COL24A1: variants seen among roughly 807,000 people sequenced by gnomAD.
COL24A1 encodes collagen type XXIV alpha 1 chain, also known as collagen alpha-1(XXIV) chain.
Under a neutral mutation model 253.9 loss-of-function variants are expected in COL24A1, and 224 were observed. The ratio of observed to expected loss-of-function variants is 0.88; its 90% CI spans 0.79 to 0.99. COL24A1 has a LOEUF of 0.99. Ranked by LOEUF, COL24A1 falls within the 50% of genes least tolerant of loss-of-function variation. The pLI is 0.00. For missense variants in COL24A1, 2,131 were observed against 2,068.5 expected (o/e 1.03, Z -0.59); for synonymous variants, 685 against 673.7 (o/e 1.02, Z -0.26).
intron 31 of COL24A1, among the ~76,000 whole-genome samples, chr1:85,889,856 T>A (rs1682925241): frequency 6.6e-6 from 1 of 152,110 alleles, no homozygotes; most frequent in Admixed American, 6.5e-5. Flanking sequence ...TACCAGAACT[T>A]TTTCATCTTC....
At chr1:85,835,276 C>T (rs899323828) in intron 43 of COL24A1, among the ~76,000 whole-genome samples, 11 of 152,068 alleles carry the variant, frequency 7.2e-5, no homozygotes, top group Non-Finnish European at 1.5e-5. Context: ...GGACTACAGG[C>T]ATGCACCACC....
chr1:85,809,752 T>G (rs1195659172), intron 47 of COL24A1, among the ~76,000 whole-genome samples: 2 of 148,734 alleles, frequency 1.3e-5, no homozygotes, highest in African/African-American at 4.9e-5. Context: ...TATGGAGATA[T>G]ATATATATAC....
At chr1:85,874,742 AG>A in intron 34 of COL24A1, 40 bp from the exon 35 acceptor site, 1 of 1,601,728 alleles carries the variant, frequency 6.2e-7, no homozygotes, top group African/African-American at 1.3e-5. Context: ...TTTTCTACTA[AG>A]ACTGCATGGC....
intron 59 of COL24A1, among the ~76,000 whole-genome samples, chr1:85,732,415 G>C (rs1379405548): frequency 1.3e-5 from 2 of 151,892 alleles, no homozygotes; most frequent in Non-Finnish European, 2.9e-5. Flanking sequence ...ATTTTTAGTA[G>C]AGACGGGGTT....
At chr1:85,735,499 A>T (rs2100822076) in intron 58 of COL24A1, among the ~76,000 whole-genome samples, 1 of 152,178 alleles carries the variant, frequency 6.6e-6, no homozygotes, top group African/African-American at 2.4e-5. Flanking sequence ...AATTTGGTTG[A>T]GTAATTTTAA....
At chr1:86,131,107 T>C (rs1425496553) in intron 2 of COL24A1, among the ~76,000 whole-genome samples, 2 of 151,970 alleles carry the variant, frequency 1.3e-5, no homozygotes, top group Admixed American at 6.6e-5. Flanking sequence ...AGGTAGTCTT[T>C]CTAAATCTGA....
chr1:85,992,059 C>T (rs1041142760), intron 19 of COL24A1, among the ~76,000 whole-genome samples: 13 of 151,966 alleles, frequency 8.6e-5, no homozygotes, highest in Non-Finnish European at 1.5e-4. Context: ...TCTCCTAATG[C>T]TATCCCTCTC....
intron 19 of COL24A1, among the ~76,000 whole-genome samples, chr1:85,994,772 G>A (rs544001292): frequency 8.7e-4 from 132 of 152,266 alleles, no homozygotes; most frequent in Middle Eastern, 3.4e-3. Context: ...AGGGAAGCAT[G>A]CAAACTGCAA....
At chr1:85,816,188 C>T (rs1216006207) in intron 47 of COL24A1, among the ~76,000 whole-genome samples, 1 of 152,008 alleles carries the variant, frequency 6.6e-6, no homozygotes, top group Admixed American at 6.6e-5. Flanking sequence ...TGTGATTGTC[C>T]TCACAGGGGT....
intron 47 of COL24A1, among the ~76,000 whole-genome samples, chr1:85,794,386 A>T (rs1300666508): frequency 6.6e-6 from 1 of 152,196 alleles, no homozygotes; most frequent in Admixed American, 6.5e-5. Flanking sequence ...TGAAGTCAAG[A>T]TGTACTTTTG....
chr1:85,991,480 T>C (rs1694265470), intron 19 of COL24A1, among the ~76,000 whole-genome samples: 1 of 152,230 alleles, frequency 6.6e-6, no homozygotes, highest in South Asian at 2.1e-4. Flanking sequence ...GGGCACATAA[T>C]GGCTTCTGGT....
At chr1:85,736,700 A>G (rs1664096424) in intron 58 of COL24A1, 1 of 341,564 alleles carries the variant, frequency 2.9e-6, no homozygotes, top group African/African-American at 2.1e-5. Context: ...CAATAGGCAC[A>G]TGTATCAGTT....
intron 2 of COL24A1, among the ~76,000 whole-genome samples, chr1:86,134,469 T>G (rs1273181717): frequency 3.4e-5 from 5 of 146,274 alleles, no homozygotes; most frequent in Non-Finnish European, 7.6e-5. Context: ...CTTTCCTGCT[T>G]TCTCTTGTGG....
intron 47 of COL24A1, among the ~76,000 whole-genome samples, chr1:85,787,603 A>G (rs961823003): frequency 1.3e-5 from 2 of 152,118 alleles, no homozygotes; most frequent in Non-Finnish European, 2.9e-5. Flanking sequence ...TTCTTTATCC[A>G]GTCTATCATT....
intron 23 of COL24A1, among the ~76,000 whole-genome samples, chr1:85,963,878 G>A (rs1040772934): frequency 2.0e-5 from 3 of 152,132 alleles, no homozygotes; most frequent in African/African-American, 7.2e-5. Flanking sequence ...AAGGAGAATT[G>A]TTAATCCCAG....
At chr1:86,050,434 T>G (rs1700219870) in intron 10 of COL24A1, among the ~76,000 whole-genome samples, 1 of 152,152 alleles carries the variant, frequency 6.6e-6, no homozygotes, top group Non-Finnish European at 1.5e-5. Flanking sequence ...CACTAAATTT[T>G]ATAGCGGGCA....
chr1:85,876,356 G>A (rs1252691074), intron 33 of COL24A1, among the ~76,000 whole-genome samples: 1 of 152,110 alleles, frequency 6.6e-6, no homozygotes, highest in Non-Finnish European at 1.5e-5. Context: ...TTGGGTATAA[G>A]GGATATCTTT....
chr1:85,830,175 C>A (rs1360189866), intron 43 of COL24A1, among the ~76,000 whole-genome samples: 1 of 151,962 alleles, frequency 6.6e-6, no homozygotes, highest in Non-Finnish European at 1.5e-5. Context: ...TGTTGGAGTA[C>A]CCGGCCGTGT....
chr1:85,920,250 CTT>C (rs1221430647), intron 24 of COL24A1, among the ~76,000 whole-genome samples: 1 of 152,100 alleles, frequency 6.6e-6, no homozygotes, highest in East Asian at 1.9e-4. Context: ...TGAGAAAAGA[CTT>C]TACAGAGAAG....
Sources: allele counts gnomAD v4.1 joint callset (sites outside exome capture counted in the v4.1 genomes callset), GRCh38; gene constraint gnomAD v4.1.1; transcripts MANE v1.5; gene names NCBI Gene and HGNC (gene_info 2026-07-23, HGNC 2026-07-21).